Variants in PSME4 observed in about 807,000 individuals in gnomAD.
PSME4 encodes the protein proteasome activator complex subunit 4.
Under a neutral mutation model 253.9 loss-of-function variants are expected in PSME4, and 89 were observed. The ratio of observed to expected loss-of-function variants is 0.35; its 90% CI spans 0.30 to 0.42. PSME4 has a LOEUF of 0.42. PSME4 is among the 10% of genes least tolerant of loss of function. The pLI is 1.00. For synonymous variants in PSME4, 851 were observed against 759.2 expected (o/e 1.12, Z -1.99); for missense variants, 2,014 against 2,195.2 (o/e 0.92, Z 1.65).
At position 53,955,361 on chromosome 2, in the gene PSME4, A is replaced by C. The variant is rs541380333; in HGVS notation, c.243-6078T>G. On this transcript the variant is annotated intron_variant, in intron 1 of 46. Transcript: ENST00000404125. Reference sequence around the variant, plus strand: ...CCAACACAAATGCATAACTTTCTTAAAACATTTAGGTTTTCTGCAATTTTT... The same window carrying C: ...CCAACACAAATGCATAACTTTCTTACAACATTTAGGTTTTCTGCAATTTTT... Among the ~76,000 whole-genome samples the C allele has an allele frequency of 1.2e-4, 18 of 152,270 alleles. 1 individual carries two copies. The East Asian group carries it at 3.3e-3, about 28-fold the overall frequency.
At chr2:53,903,693 G>C (rs1680515745) in intron 27 of PSME4, among the ~76,000 whole-genome samples, 1 of 152,038 alleles carries the variant, frequency 6.6e-6, no homozygotes, top group Admixed American at 6.6e-5. Context: ...TAGCACTCAA[G>C]TTAAACAATT....
chr2:53,943,490 T>C (rs1368087345), intron 3 of PSME4, among the ~76,000 whole-genome samples: 1 of 152,202 alleles, frequency 6.6e-6, no homozygotes, highest in East Asian at 1.9e-4. Context: ...TAGTAAGTAG[T>C]CATTTTTCAT....
intron 3 of PSME4, among the ~76,000 whole-genome samples, chr2:53,947,910 G>A (rs552860998): frequency 6.6e-6 from 1 of 151,586 alleles, no homozygotes; most frequent in African/African-American, 2.4e-5. Flanking sequence ...CAGCTGCTCG[G>A]GAGGCTGAGG....
chr2:53,919,334 G>A (rs1031871073), intron 19 of PSME4, 88 bp from the exon 20 acceptor site: 2 of 1,412,700 alleles, frequency 1.4e-6, no homozygotes, highest in African/African-American at 3.0e-5. Context: ...TCTCACGTGG[G>A]GATATAAATG....
At chr2:53,912,584 T>C (rs1356316712) in intron 20 of PSME4, among the ~76,000 whole-genome samples, 1 of 152,128 alleles carries the variant, frequency 6.6e-6, no homozygotes, top group Non-Finnish European at 1.5e-5. Context: ...CCTCAGGCTC[T>C]TGAGTAGCTG....
intron 11 of PSME4, among the ~76,000 whole-genome samples, 170 bp downstream of exon 11, chr2:53,927,947 C>T (rs933628420): frequency 6.6e-6 from 1 of 152,080 alleles, no homozygotes; most frequent in Non-Finnish European, 1.5e-5. Context: ...AAGACTCCGT[C>T]TCAAAATAAA....
chr2:53,915,423 G>C lies in PSME4; in HGVS notation c.2516+3728C>G, dbSNP rs541876308. Among the ~76,000 whole-genome samples, 40 of 151,824 alleles carry C rather than the reference G, an allele frequency of 2.6e-4. No homozygotes were observed. In the East Asian group the frequency reaches 6.6e-3, roughly 25 times the overall value. ...CCACTGTATTCCAACCTGGACAACA[G>C]AGCAAGACTCTATCTCAAAAAAAAA... On this transcript the variant is annotated intron_variant, in intron 20 of 46. Coordinates refer to ENST00000404125, the MANE Select transcript of PSME4 (RefSeq NM_014614.3).
intron 20 of PSME4, among the ~76,000 whole-genome samples, chr2:53,918,670 G>A (rs762853995): frequency 2.6e-5 from 4 of 151,854 alleles, no homozygotes; most frequent in East Asian, 1.9e-4. Context: ...AGCTAACAAC[G>A]GATTCAATTT....
intron 17 of PSME4, among the ~76,000 whole-genome samples, chr2:53,921,324 T>C (rs1420458473): frequency 6.6e-6 from 1 of 151,698 alleles, no homozygotes; most frequent in East Asian, 2.0e-4. Flanking sequence ...TAACATCCCT[T>C]TCAAAAGAGT....
At chr2:53,922,966 C>G (rs1053904432) in intron 16 of PSME4, 83 bp downstream of exon 16, 7 of 1,097,182 alleles carry the variant, frequency 6.4e-6, no homozygotes, top group African/African-American at 3.2e-5. Flanking sequence ...CTAAAGGAAT[C>G]TGTTGTCATT....
chr2:53,879,954 T>C (rs760466889), intron 41 of PSME4, among the ~76,000 whole-genome samples: 1 of 152,154 alleles, frequency 6.6e-6, no homozygotes, highest in African/African-American at 2.4e-5. Flanking sequence ...GAATTGTGTT[T>C]TAAAAGGTTA....
chr2:53,902,306 C>T lies in PSME4; in HGVS notation c.3076-747G>A, dbSNP rs1680439837. Among the ~76,000 whole-genome samples, 4 of 152,172 alleles carry T rather than the reference C, an allele frequency of 2.6e-5. No homozygotes were observed. The South Asian group carries it at 8.3e-4, about 31-fold the overall frequency. ...CAAAGTACATAAAAACTAAAGTATA[C>T]TGCATATTTATTACTCATAAAAGTC... On this transcript the variant is annotated intron_variant, in intron 27 of 46. Transcript: ENST00000404125.
At chr2:53,940,037 T>TA in intron 3 of PSME4, 37 bp from the exon 4 acceptor site, 1 of 1,446,084 alleles carries the variant, frequency 6.9e-7, no homozygotes, top group Non-Finnish European at 9.6e-7. Context: ...TAGATTGGTG[T>TA]ATTTTAAGAA....
chr2:53,941,908 T>C (rs905239678), intron 3 of PSME4, among the ~76,000 whole-genome samples: 3 of 152,250 alleles, frequency 2.0e-5, no homozygotes, highest in African/African-American at 7.2e-5. Flanking sequence ...CATAATGTCA[T>C]AAACGATTCT....
At chr2:53,876,257 T>C (rs1353350078) in intron 41 of PSME4, among the ~76,000 whole-genome samples, 1 of 152,164 alleles carries the variant, frequency 6.6e-6, no homozygotes, top group Admixed American at 6.5e-5. Flanking sequence ...AATGCATATA[T>C]TCCCCCCCGC....
intron 7 of PSME4, 62 bp from the exon 8 acceptor site, chr2:53,934,789 T>G: frequency 1.5e-6 from 2 of 1,309,788 alleles, no homozygotes; most frequent in Non-Finnish European, 2.1e-6. Context: ...TTTAGCTTAG[T>G]AAGTGCTGTA....
Position 53,949,240 on chromosome 2 carries a change from C to A in PSME4, c.286G>T (p.Val96Phe). Residue 96 changes from valine (V) to phenylalanine (F), a missense_variant, in exon 2 of 47, where the codon GTT becomes TTT. Physicochemically the swap from Val to Phe is conservative, Grantham distance 50 (BLOSUM62 -1). Transcript: ENST00000404125. ...YGRKFSKEDH[V>F]LFIKLLYELV... ...TCATACAATAACTTAATAAAAAGAACATGATCTTCTTTGCTAAATTTTCTC... is the reference window on the plus strand; with the variant it reads ...TCATACAATAACTTAATAAAAAGAAAATGATCTTCTTTGCTAAATTTTCTC... The A allele has an allele frequency of 6.2e-7, 1 of 1,608,218 alleles. No homozygotes were observed. The highest frequency in any genetic ancestry group is 1.7e-5 in the Admixed American group (1 of 59,216).
chr2:53,940,059 C>A (rs1010849437), intron 3 of PSME4, 59 bp from the exon 4 acceptor site: 6 of 1,242,800 alleles, frequency 4.8e-6, no homozygotes, highest in African/African-American at 1.5e-5. Flanking sequence ...ATATCTAATT[C>A]AATTAATAAA....
In PSME4 at chr2:53,895,280, A is replaced by G. The variant is rs558612141; in HGVS notation, c.3843-204T>C. 8.5e-5 allele frequency among the ~76,000 whole-genome samples: 13 copies of G among 152,280 alleles called. No individual in the cohort carries two copies. The South Asian group carries it at 2.7e-3, about 32-fold the overall frequency. On this transcript the variant is annotated intron_variant, in intron 33 of 46. Coordinates refer to ENST00000404125, the MANE Select transcript of PSME4 (RefSeq NM_014614.3). ...AAATGGAGTAAATAAGGAGAGAAAA[A>G]TATGTATTTCTCTGGGCTGGTTTAG...
Sources: allele counts gnomAD v4.1 joint callset (sites outside exome capture counted in the v4.1 genomes callset), GRCh38; gene constraint gnomAD v4.1.1; transcripts MANE v1.5; gene names NCBI Gene and HGNC (gene_info 2026-07-23, HGNC 2026-07-21).